Variants in CSMD1 observed in about 807,000 individuals in gnomAD.
CSMD1 encodes CUB and Sushi multiple domains 1, also known as CUB and sushi domain-containing protein 1.
CSMD1 carries 213 observed loss-of-function variants against 417.5 expected under a neutral mutation model. That is an observed-to-expected ratio of 0.51 (90% CI 0.46 to 0.57). CSMD1 has a LOEUF of 0.57. Among genes scored for constraint, CSMD1 ranks in the 20% least tolerant of loss-of-function variants. The pLI is 0.00. For synonymous variants in CSMD1, 2,862 were observed against 1,736.8 expected (o/e 1.65, Z -16.11); for missense variants, 6,923 against 4,529.7 (o/e 1.53, Z -15.17).
intron 52 of CSMD1, among the ~76,000 whole-genome samples, chr8:3,007,843 G>A (rs951718635): frequency 6.6e-6 from 1 of 151,304 alleles, no homozygotes; most frequent in Non-Finnish European, 1.5e-5. Context: ...AGTGGGTGCA[G>A]TGCACCAGCA....
intron 3 of CSMD1, among the ~76,000 whole-genome samples, chr8:4,048,487 G>A (rs1459911538): frequency 6.6e-6 from 1 of 152,150 alleles, no homozygotes; most frequent in Non-Finnish European, 1.5e-5. Flanking sequence ...CCATTTTAAA[G>A]ATGAACAAAC....
intron 22 of CSMD1, among the ~76,000 whole-genome samples, chr8:3,344,999 T>C (rs1400332558): frequency 1.3e-5 from 2 of 152,112 alleles, no homozygotes; most frequent in Non-Finnish European, 2.9e-5. Flanking sequence ...GACTAAATGG[T>C]TTTAATTCCA....
intron 1 of CSMD1, among the ~76,000 whole-genome samples, chr8:4,722,382 C>A (rs1340498759): frequency 1.3e-5 from 2 of 152,100 alleles, no homozygotes; most frequent in Non-Finnish European, 2.9e-5. Context: ...CTAAATATGG[C>A]TACTTCTCCC....
intron 3 of CSMD1, among the ~76,000 whole-genome samples, chr8:4,268,320 C>A (rs945628692): frequency 9.2e-5 from 14 of 152,006 alleles, no homozygotes; most frequent in African/African-American, 3.4e-4. Flanking sequence ...ACCATTATGA[C>A]CTGAATATTA....
intron 3 of CSMD1, among the ~76,000 whole-genome samples, chr8:4,299,394 G>A (rs560407605): frequency 2.2e-4 from 33 of 152,190 alleles, no homozygotes; most frequent in East Asian, 5.8e-4. Flanking sequence ...ATAACCAGTC[G>A]TCTCAACATG....
Position 3,297,102 on chromosome 8 carries a change from G to T in CSMD1, c.3950+10593C>A, listed in dbSNP as rs1804028263. On this transcript the variant is annotated intron_variant, in intron 25 of 69. Transcript: ENST00000635120. ...TTAAGCAGAAAGCATCCTAGAGCTG[G>T]AAATAATTCTAATAAAAAATGTGCA... is the stretch of plus-strand genomic sequence containing the variant. Among the ~76,000 whole-genome samples, 3 of 152,166 alleles carry T rather than the reference G, an allele frequency of 2.0e-5. No individual in the cohort carries two copies. The South Asian group carries it at 6.2e-4, about 32-fold the overall frequency.
intron 1 of CSMD1, among the ~76,000 whole-genome samples, chr8:4,929,358 A>T (rs1807082029): frequency 6.6e-6 from 1 of 151,976 alleles, no homozygotes; most frequent in Admixed American, 6.5e-5. Context: ...TTGTTATGGC[A>T]GCCCCAGCAA....
chr8:4,347,486 A>G (rs1209985062), intron 3 of CSMD1, among the ~76,000 whole-genome samples: 1 of 152,222 alleles, frequency 6.6e-6, no homozygotes, highest in Non-Finnish European at 1.5e-5. Context: ...GGAAATTGCA[A>G]GACTAAAGGA....
At chr8:4,565,809 T>C (rs1385306061) in intron 2 of CSMD1, among the ~76,000 whole-genome samples, 1 of 138,788 alleles carries the variant, frequency 7.2e-6, no homozygotes, top group Admixed American at 7.3e-5. Context: ...TATACATATA[T>C]ATATTATATA....
intron 3 of CSMD1, among the ~76,000 whole-genome samples, chr8:4,068,978 AC>A (rs948935364): frequency 7.7e-4 from 117 of 152,300 alleles, no homozygotes; most frequent in African/African-American, 2.7e-3. Flanking sequence ...CTTTGTTCAA[AC>A]GTTGAATGGC....
In CSMD1 at chr8:3,181,214, C is replaced by T. The variant is rs1257206941; in HGVS notation, c.5621G>A (p.Gly1874Asp). ...VTAPRLGSFS[G>D]TTVPALLNST... ...GTTCAGCAGTGCCGGTACTGTGGTG[C>T]CTGTAAGAAACAATGCAGATAGAAT... Residue 1874 changes from glycine to aspartate, a missense_variant and splice_region_variant, in exon 37 of 70, where the codon GGC becomes GAC. Gly to Asp is a moderately conservative substitution (Grantham distance 94, BLOSUM62 -1). Coordinates refer to ENST00000635120, the MANE Select transcript of CSMD1 (RefSeq NM_033225.6). 2 of 1,607,572 alleles carry T rather than the reference C, an allele frequency of 1.2e-6. No individual in the cohort carries two copies.
In CSMD1 at chr8:3,655,363, G is replaced by A. The variant is rs149232393; in HGVS notation, c.1010-38566C>T. 3.3e-4 allele frequency among the ~76,000 whole-genome samples: 51 copies of A among 152,264 alleles called. No individual in the cohort carries two copies. The East Asian group carries it at 7.3e-3, about 22-fold the overall frequency. ...TGTCATCTTCCCTACAGCGAATTTG[G>A]CAGTGATTTTCATTTTTCACTATTA... is the stretch of plus-strand genomic sequence containing the variant. On this transcript the variant is annotated intron_variant, in intron 7 of 69. Coordinates refer to ENST00000635120, the MANE Select transcript of CSMD1 (RefSeq NM_033225.6).
intron 5 of CSMD1, among the ~76,000 whole-genome samples, chr8:3,961,783 G>A (rs1018316723): frequency 3.3e-5 from 5 of 152,148 alleles, no homozygotes; most frequent in African/African-American, 9.7e-5. Context: ...TTTGATAATG[G>A]TGCACTGGGT....
intron 3 of CSMD1, among the ~76,000 whole-genome samples, chr8:4,059,967 A>G (rs553520028): frequency 5.5e-4 from 84 of 152,270 alleles, no homozygotes; most frequent in African/African-American, 1.8e-3. Context: ...TCCTGATACC[A>G]AAGCCGGGCA....
At chr8:4,513,724 C>T (rs1429118151) in intron 2 of CSMD1, among the ~76,000 whole-genome samples, 2 of 152,184 alleles carry the variant, frequency 1.3e-5, no homozygotes, top group East Asian at 3.8e-4. Context: ...CAGATACACA[C>T]ACATAAACTT....
intron 3 of CSMD1, among the ~76,000 whole-genome samples, chr8:4,179,901 T>C (rs1282881899): frequency 2.0e-5 from 3 of 152,238 alleles, no homozygotes; most frequent in East Asian, 1.9e-4. Context: ...CCAGTTAGAA[T>C]GGCGATCATT....
At position 3,543,570 on chromosome 8, in the gene CSMD1, A is replaced by C. The variant is rs34362465; in HGVS notation, c.1344+31375T>G. Among the ~76,000 whole-genome samples the C allele has an allele frequency of 2.0e-5, 3 of 152,066 alleles. No homozygotes were observed. In the East Asian group the frequency reaches 5.8e-4, roughly 29 times the overall value. ...ATGAACAGAGTGTATGGGTCTGCTG[A>C]TGAATGTGGGGTATGAGAACAAAAG... is the stretch of plus-strand genomic sequence containing the variant. On this transcript the variant is annotated intron_variant, in intron 10 of 69. Coordinates refer to ENST00000635120, the MANE Select transcript of CSMD1 (RefSeq NM_033225.6).
intron 57 of CSMD1, among the ~76,000 whole-genome samples, chr8:2,967,947 C>T (rs1344677043): frequency 6.6e-6 from 1 of 152,104 alleles, no homozygotes; most frequent in African/African-American, 2.4e-5. Context: ...TTCCTGGTCC[C>T]GTGCCAATGG....
chr8:4,970,641 A>T (rs1221782786), intron 1 of CSMD1, among the ~76,000 whole-genome samples: 2 of 152,126 alleles, frequency 1.3e-5, no homozygotes, highest in African/African-American at 4.8e-5. Context: ...TGTGACTTAA[A>T]CACATCATAA....
Sources: allele counts gnomAD v4.1 joint callset (sites outside exome capture counted in the v4.1 genomes callset), GRCh38; gene constraint gnomAD v4.1.1; transcripts MANE v1.5; gene names NCBI Gene and HGNC (gene_info 2026-07-23, HGNC 2026-07-21).